The following COL11A1 variants were observed in gnomAD, a reference collection of about 807,000 sequenced individuals.
COL11A1 encodes collagen type XI alpha 1 chain, also known as collagen alpha-1(XI) chain.
COL11A1 carries 74 observed loss-of-function variants against 265.2 expected under a neutral mutation model. The observed-to-expected ratio is 0.28, with a 90% confidence interval of 0.23 to 0.34. The LOEUF (loss-of-function observed/expected upper bound fraction) is 0.34, where lower values mean the gene tolerates loss of function less well. COL11A1 is among the 10% of genes least tolerant of loss of function. The pLI, the probability that COL11A1 is intolerant of heterozygous loss-of-function variation, is 1.00. For missense variants in COL11A1, 2,165 were observed against 2,263.6 expected (o/e 0.96, Z 0.88); for synonymous variants, 816 against 727.6 (o/e 1.12, Z -1.96).
At chr1:102,901,243 C>G (rs1653157338) in intron 54 of COL11A1, among the ~76,000 whole-genome samples, 1 of 151,626 alleles carries the variant, frequency 6.6e-6, no homozygotes, top group Non-Finnish European at 1.5e-5. Context: ...TCGCTTGAAC[C>G]CGGGAGGCAG....
chr1:103,023,639 G>A (rs568189162), intron 7 of COL11A1, among the ~76,000 whole-genome samples: 8 of 152,208 alleles, frequency 5.3e-5, no homozygotes, highest in South Asian at 2.1e-4. Flanking sequence ...TTACATGTGC[G>A]AGCCTCCACA....
chr1:102,928,108 T>C (rs1205891786), intron 46 of COL11A1, among the ~76,000 whole-genome samples: 3 of 152,106 alleles, frequency 2.0e-5, no homozygotes, highest in African/African-American at 7.2e-5. Context: ...CTTACTTTTT[T>C]TTTTATTATA....
rs193051837 is a variant in COL11A1, at chr1:102,962,525, G to A, written c.3024+128C>T. On this transcript the variant is annotated intron_variant, in intron 39 of 66. Coordinates refer to ENST00000370096, the MANE Select transcript of COL11A1 (RefSeq NM_001854.4). The stretch of plus-strand genomic sequence containing the variant: ...AGCAATATCTTGGAGTACAATAAAC[G>A]CACATTAAATATTTTCCTGACACAT... The A allele has an allele frequency of 9.6e-4, 829 of 867,062 alleles. 3 individuals are homozygous for A. Among genetic ancestry groups the A allele is most frequent in the Middle Eastern group, 2.8e-3 (13 of 4,598 alleles). The allele number at this position is 867,062 out of a possible 1,614,324, so 53.7% of individuals were successfully genotyped here.
intron 26 of COL11A1, among the ~76,000 whole-genome samples, chr1:102,996,325 T>C (rs1664625252): frequency 6.6e-6 from 1 of 152,054 alleles, no homozygotes; most frequent in Non-Finnish European, 1.5e-5. Flanking sequence ...TGTAAAATAA[T>C]GTAAACAATT....
At position 102,962,281 on chromosome 1, in the gene COL11A1, A is replaced by C. The variant is rs1256508014; in HGVS notation, c.3025-16T>G. 6.3e-7 allele frequency: 1 copy of C among 1,577,920 alleles called. No individual in the cohort carries two copies. Among genetic ancestry groups the C allele is most frequent in the Admixed American group, 1.7e-5 (1 of 59,952 alleles). On this transcript the variant is annotated splice_polypyrimidine_tract_variant and intron_variant, in intron 39 of 66. Coordinates refer to ENST00000370096, the MANE Select transcript of COL11A1 (RefSeq NM_001854.4). ...CTGGATCACCCTAAAGAATATAATA[A>C]ACATCGTCAAGACAGATTAATTTCT...
rs1377819809 is a variant in COL11A1, at chr1:102,934,481, A to G, written c.3568T>C (p.Phe1190Leu). 12 of 1,613,942 alleles carry G rather than the reference A, an allele frequency of 7.4e-6. No homozygotes were observed. Among genetic ancestry groups the G allele is most frequent in the Middle Eastern group, 1.6e-4 (1 of 6,084 alleles). The change falls in exon 46 of 67, where the codon TTC becomes CTC. Residue 1190 changes from phenylalanine (F) to leucine (L), a missense_variant. Coordinates refer to ENST00000370096, the MANE Select transcript of COL11A1 (RefSeq NM_001854.4). ...GQKGDEGARG[F>L]PGPPGPIGLQ... The stretch of plus-strand genomic sequence containing the variant: ...CCTATTGGACCAGGAGGTCCAGGGA[A>G]GCCTCTGGCACCCTCATCACCTTTT...
chr1:102,961,957 A>G, intron 40 of COL11A1, 38 bp from the exon 41 acceptor site: 2 of 1,566,382 alleles, frequency 1.3e-6, no homozygotes, highest in Non-Finnish European at 1.8e-6. Context: ...ATGAATCCAT[A>G]TGAATTGAAT....
chr1:103,010,739 C>A (rs377574971), intron 14 of COL11A1, among the ~76,000 whole-genome samples: 2 of 149,630 alleles, frequency 1.3e-5, no homozygotes, highest in South Asian at 2.1e-4. Context: ...CTAGCTCTGT[C>A]GCCAAGGCTG....
chr1:102,884,182 C>G (rs12025494), intron 63 of COL11A1, among the ~76,000 whole-genome samples: 19,301 of 152,214 alleles, frequency 0.13, 1,416 homozygotes, highest in East Asian at 0.25. Context: ...TCTCTCATCC[C>G]TCATTCTCCC....
intron 54 of COL11A1, among the ~76,000 whole-genome samples, chr1:102,907,126 A>AATGAATGTGAATAGCTTTGT (rs1654075329): frequency 6.6e-6 from 1 of 152,070 alleles, no homozygotes. Flanking sequence ...ATTATATGAA[A>AATGAATGTGAATAGCTTTGT]ATGAATGTGA....
chr1:102,908,930 ATTGTAT>A (rs1654321986), intron 54 of COL11A1, among the ~76,000 whole-genome samples: 1 of 152,120 alleles, frequency 6.6e-6, no homozygotes. Flanking sequence ...CTATTTTCTA[ATTGTAT>A]TTGACATTTA....
intron 4 of COL11A1, 61 bp from the exon 5 acceptor site, chr1:103,031,305 A>G: frequency 6.4e-7 from 1 of 1,559,822 alleles, no homozygotes. Flanking sequence ...ATTAAAGTAC[A>G]CATATACCAA....
In COL11A1 at chr1:102,883,233, T is replaced by A; in HGVS notation, c.4937A>T (p.Glu1646Val). Reference protein sequence around the residue: ...KVYCNFTSGGETCIYPDKKSE... With the variant: ...KVYCNFTSGGVTCIYPDKKSE... ...TTTTTTGTCTGGATAAATGCAAGTC[T>A]CACCACCAGATGTGAAATTACAGTA... The change falls in exon 64 of 67, where the codon GAG (glutamate) becomes GTG (valine). Residue 1646 changes from glutamate (E) to valine (V), a missense_variant. Transcript: ENST00000370096. 6.2e-7 allele frequency: 1 copy of A among 1,613,582 alleles called. No individual in the cohort carries two copies. The highest frequency in any genetic ancestry group is 8.5e-7 in the Non-Finnish European group (1 of 1,179,656).
At chr1:103,090,185 C>G (rs1024998973) in intron 1 of COL11A1, among the ~76,000 whole-genome samples, 3 of 151,720 alleles carry the variant, frequency 2.0e-5, no homozygotes, top group African/African-American at 7.3e-5. Context: ...AATAAAGTAG[C>G]CTTCCTAATG....
At chr1:103,034,755 A>AT (rs71310144) in intron 4 of COL11A1, among the ~76,000 whole-genome samples, 22,939 of 149,920 alleles carry the variant, frequency 0.15, 1,926 homozygotes, top group Middle Eastern at 0.19. Flanking sequence ...CTTAATTTTC[A>AT]TTTTTTTTTG....
chr1:103,006,304 G>T lies in COL11A1; in HGVS notation c.1695C>A (p.Gly565=). 1 of 1,607,808 alleles carries T rather than the reference G, an allele frequency of 6.2e-7. No individual in the cohort carries two copies. The highest frequency in any genetic ancestry group is 8.5e-7 in the Non-Finnish European group (1 of 1,176,914). The change falls in exon 16 of 67, where the codon GGC becomes GGA. Residue 565 remains glycine (G), a synonymous_variant. Transcript: ENST00000370096. ...CCGTTGGACCAGGGGGACCCTGGAC[G>T]CCTCGAGGGCCCTATATCAAGACAT... is the stretch of plus-strand genomic sequence containing the variant. ...SGDPGPQGPR[G]VQGPPGPTGK...
intron 43 of COL11A1, 126 bp from the exon 44 acceptor site, chr1:102,939,214 A>T (rs1008159275): frequency 5.6e-6 from 5 of 891,326 alleles, no homozygotes; most frequent in Admixed American, 3.7e-5. Flanking sequence ...CACTGTTTAA[A>T]ATGGAAAATC....
chr1:102,985,936 A>C (rs1250173801), intron 30 of COL11A1, among the ~76,000 whole-genome samples: 1 of 152,106 alleles, frequency 6.6e-6, no homozygotes, highest in East Asian at 1.9e-4. Context: ...ATGTTTTTTC[A>C]AAGTGTGAAA....
chr1:103,070,605 G>A (rs957532533), intron 4 of COL11A1, among the ~76,000 whole-genome samples: 1 of 151,842 alleles, frequency 6.6e-6, no homozygotes, highest in African/African-American at 2.4e-5. Flanking sequence ...AGATGGCAAT[G>A]TTTATTTTCT....
Sources: allele counts gnomAD v4.1 joint callset (sites outside exome capture counted in the v4.1 genomes callset), GRCh38; gene constraint gnomAD v4.1.1; transcripts MANE v1.5; gene names NCBI Gene and HGNC (gene_info 2026-07-23, HGNC 2026-07-21).